Variants in TTLL1 observed in about 807,000 individuals in gnomAD.
TTLL1 encodes the protein polyglutamylase complex subunit TTLL1.
TTLL1 carries 33 observed loss-of-function variants against 47.8 expected under a neutral mutation model. The observed-to-expected ratio is 0.69, with a 90% CI of 0.52 to 0.92. The LOEUF (loss-of-function observed/expected upper bound fraction) is 0.92, where lower values mean the gene tolerates loss of function less well. Ranked by LOEUF, TTLL1 falls within the 40% of genes least tolerant of loss-of-function variation. The pLI is 0.00. For synonymous variants in TTLL1, 225 were observed against 214.1 expected (o/e 1.05, Z -0.45); for missense variants, 488 against 547.5 (o/e 0.89, Z 1.08).
intron 3 of TTLL1, 57 bp from the exon 4 acceptor site, chr22:43,069,901 T>C: frequency 5.6e-6 from 9 of 1,594,366 alleles, no homozygotes; most frequent in Non-Finnish European, 7.7e-6. Context: ...GCAGAAGTCC[T>C]TTGTTCCCGT....
intron 9 of TTLL1, among the ~76,000 whole-genome samples, chr22:43,050,472 T>C (rs1428700140): frequency 6.6e-6 from 1 of 150,620 alleles, no homozygotes; most frequent in African/African-American, 2.4e-5. Context: ...TCCTAGGTCA[T>C]CCAGGAGAGA....
intron 5 of TTLL1, among the ~76,000 whole-genome samples, chr22:43,067,614 C>T (rs1347029634): frequency 2.0e-5 from 3 of 152,102 alleles, no homozygotes; most frequent in Non-Finnish European, 2.9e-5. Flanking sequence ...CCCACCGTGA[C>T]GCCACGTGAC....
intron 7 of TTLL1, among the ~76,000 whole-genome samples, chr22:43,062,871 A>G (rs1197572759): frequency 1.3e-5 from 2 of 152,200 alleles, no homozygotes; most frequent in Non-Finnish European, 2.9e-5. Flanking sequence ...CCTACTGAAT[A>G]TCATAGCCTT....
chr22:43,075,411 G>T, intron 3 of TTLL1, 63 bp downstream of exon 3: 1 of 1,383,890 alleles, frequency 7.2e-7, no homozygotes, highest in Non-Finnish European at 1.0e-6. Flanking sequence ...GGGAGGCACT[G>T]GAATTAGTAA....
At chr22:43,051,332 G>A (rs537789492) in intron 9 of TTLL1, among the ~76,000 whole-genome samples, 11 of 152,370 alleles carry the variant, frequency 7.2e-5, no homozygotes, top group African/African-American at 2.6e-4. Context: ...CCCACTGAAA[G>A]AGGCAGAGGA....
Position 43,053,487 on chromosome 22 carries a change from T to C in TTLL1, c.892-1600A>G, listed in dbSNP as rs140793667. On this transcript the variant is annotated intron_variant, in intron 8 of 10. Transcript: ENST00000266254. ...AGACAGGAAGTCATTAGCCTGACTGTCATTCTCCAAACCCTGCTCTGCCTC... is the reference window on the plus strand; with the variant it reads ...AGACAGGAAGTCATTAGCCTGACTGCCATTCTCCAAACCCTGCTCTGCCTC... Among the ~76,000 whole-genome samples the C allele has an allele frequency of 5.1e-4, 78 of 152,316 alleles. 1 individual carries two copies. The highest frequency in any genetic ancestry group is 1.8e-3 in the African/African-American group (75 of 41,566).
chr22:43,061,042 C>T (rs1927356575), intron 7 of TTLL1, among the ~76,000 whole-genome samples: 2 of 151,914 alleles, frequency 1.3e-5, no homozygotes, highest in African/African-American at 4.8e-5. Context: ...CTAAAAACCC[C>T]AGCCAGGTGT....
chr22:43,059,346 G>T (rs1235384714), intron 8 of TTLL1, 38 bp downstream of exon 8: 2 of 1,586,318 alleles, frequency 1.3e-6, no homozygotes, highest in South Asian at 2.3e-5. Context: ...TCCCAAACGG[G>T]CCCTGGGAGC....
At chr22:43,059,846 T>C (rs1341484335) in intron 7 of TTLL1, among the ~76,000 whole-genome samples, 1 of 152,116 alleles carries the variant, frequency 6.6e-6, no homozygotes, top group African/African-American at 2.4e-5. Context: ...TGTGCCACTA[T>C]GCCTGGCTAA....
At position 43,066,025 on chromosome 22, in the gene TTLL1, G is replaced by T. The variant is rs867778913; in HGVS notation, c.504-1701C>A. On this transcript the variant is annotated intron_variant, in intron 5 of 10. Transcript: ENST00000266254. Reference sequence around the variant, plus strand: ...AATACAAAAATTAGCCAGGTGTGGTGGCGGGTGCCTGTAGTCCCAGCTACT... The same window carrying T: ...AATACAAAAATTAGCCAGGTGTGGTTGCGGGTGCCTGTAGTCCCAGCTACT... Among the ~76,000 whole-genome samples, 4 of 151,816 alleles carry T rather than the reference G, an allele frequency of 2.6e-5. No individual in the cohort carries two copies. In the South Asian group the frequency reaches 8.3e-4, roughly 32 times the overall value.
chr22:43,075,410 T>C, intron 3 of TTLL1, 64 bp downstream of exon 3: 1 of 1,377,704 alleles, frequency 7.3e-7, no homozygotes, highest in East Asian at 2.3e-5. Context: ...TGGGAGGCAC[T>C]GGAATTAGTA....
intron 8 of TTLL1, 185 bp from the exon 9 acceptor site, chr22:43,052,072 C>T (rs1355818385): frequency 1.5e-5 from 9 of 607,892 alleles, no homozygotes; most frequent in African/African-American, 1.5e-4. Flanking sequence ...AGATTGGGCA[C>T]TTTCCTCAGC....
chr22:43,048,511 C>T (rs1926335725), intron 9 of TTLL1, among the ~76,000 whole-genome samples: 1 of 150,368 alleles, frequency 6.7e-6, no homozygotes, highest in Admixed American at 6.7e-5. Flanking sequence ...GAGTGGCACA[C>T]ACCTCTACTC....
At chr22:43,081,524 C>A (rs970103530) in intron 1 of TTLL1, among the ~76,000 whole-genome samples, 15 of 151,962 alleles carry the variant, frequency 9.9e-5, no homozygotes, top group African/African-American at 3.4e-4. Context: ...TCCCCACACA[C>A]CCCTTCCATT....
chr22:43,070,876 T>C (rs1397696025), intron 3 of TTLL1, among the ~76,000 whole-genome samples: 1 of 152,172 alleles, frequency 6.6e-6, no homozygotes, highest in Non-Finnish European at 1.5e-5. Context: ...CTATTTTATA[T>C]AATTATCAGA....
intron 9 of TTLL1, among the ~76,000 whole-genome samples, chr22:43,048,888 G>A (rs1294415427): frequency 6.6e-6 from 1 of 152,064 alleles, no homozygotes; most frequent in African/African-American, 2.4e-5. Flanking sequence ...AGTGAGCCGA[G>A]GTCGTGCCAC....
intron 8 of TTLL1, among the ~76,000 whole-genome samples, chr22:43,058,225 T>A (rs907095362): frequency 6.6e-6 from 1 of 152,142 alleles, no homozygotes; most frequent in Non-Finnish European, 1.5e-5. Context: ...ATTACAGGTG[T>A]GAGCCACAGC....
rs537929260 is a variant in TTLL1 at position 43,068,161 on chromosome 22, A to C, written c.503+249T>G. ...AAAAAAAAAACTCTATTAAAAAAATACAAAAATTAGCTGGGCGTGGTGACG... is the reference window on the plus strand; with the variant it reads ...AAAAAAAAAACTCTATTAAAAAAATCCAAAAATTAGCTGGGCGTGGTGACG... On this transcript the variant is annotated intron_variant, in intron 5 of 10. Coordinates refer to ENST00000266254, the MANE Select transcript of TTLL1 (RefSeq NM_012263.5). 2.3e-3 allele frequency among the ~76,000 whole-genome samples: 344 copies of C among 151,410 alleles called. 2 individuals are homozygous for C. Among genetic ancestry groups the C allele is most frequent in the African/African-American group, 8.1e-3 (335 of 41,338 alleles).
intron 1 of TTLL1, among the ~76,000 whole-genome samples, chr22:43,088,324 C>CCT (rs1929375639): frequency 1.6e-4 from 9 of 56,490 alleles, no homozygotes; most frequent in African/African-American, 6.6e-4. Context: ...AAGGGCCCAT[C>CCT]TTTTTTTTTT....
Sources: allele counts gnomAD v4.1 joint callset (sites outside exome capture counted in the v4.1 genomes callset), GRCh38; gene constraint gnomAD v4.1.1; transcripts MANE v1.5; gene names NCBI Gene and HGNC (gene_info 2026-07-23, HGNC 2026-07-21).